DYNC2I1: variants seen among roughly 807,000 people sequenced by gnomAD.
DYNC2I1 encodes the protein dynein 2 intermediate chain 1, also known as cytoplasmic dynein 2 intermediate chain 1.
A neutral mutation model predicts 133.4 loss-of-function variants in DYNC2I1; 89 were observed. That is an observed-to-expected ratio of 0.67 (90% CI 0.56 to 0.80). DYNC2I1 has a LOEUF of 0.80. Among genes scored for constraint, DYNC2I1 ranks in the 30% least tolerant of loss-of-function variants. DYNC2I1 has a pLI of 0.00. For missense variants in DYNC2I1, 1,291 were observed against 1,314.5 expected, an observed-to-expected ratio of 0.98 and a Z score of 0.28; for synonymous variants, 504 against 484.3, an observed-to-expected ratio of 1.04 and a Z score of -0.54.
At chr7:158,884,390 A>G (rs1844389729) in intron 5 of DYNC2I1, among the ~76,000 whole-genome samples, 174 bp from the exon 6 acceptor site, 1 of 152,150 alleles carries the variant, frequency 6.6e-6, no homozygotes, top group African/African-American at 2.4e-5. Context: ...TTTACATTTA[A>G]TTATCTAATT....
intron 8 of DYNC2I1, among the ~76,000 whole-genome samples, chr7:158,894,540 T>C (rs970316342): frequency 1.3e-5 from 2 of 152,236 alleles, no homozygotes; most frequent in Non-Finnish European, 2.9e-5. Context: ...TCATTTCTTC[T>C]AGTGCTGAAT....
chr7:158,883,521 A>G (rs1285861464), intron 5 of DYNC2I1, among the ~76,000 whole-genome samples: 1 of 151,316 alleles, frequency 6.6e-6, no homozygotes, highest in Non-Finnish European at 1.5e-5. Context: ...CCTGGCCTCT[A>G]TATGATTTTT....
chr7:158,910,116 T>C (rs1186610547), intron 11 of DYNC2I1, among the ~76,000 whole-genome samples: 1 of 152,188 alleles, frequency 6.6e-6, no homozygotes, highest in Non-Finnish European at 1.5e-5. Flanking sequence ...TATATCCCAG[T>C]GAGGAGTAAC....
At chr7:158,905,184 G>C (rs894042480) in intron 10 of DYNC2I1, 2 of 374,242 alleles carry the variant, frequency 5.3e-6, no homozygotes, top group East Asian at 1.5e-4. Flanking sequence ...TATGTCTCCC[G>C]TGCTGGAGTA....
intron 10 of DYNC2I1, chr7:158,902,814 A>G (rs1846377862): frequency 1.8e-6 from 1 of 544,852 alleles, no homozygotes; most frequent in South Asian, 2.6e-5. Context: ...GAGAAGTTGC[A>G]CGTCACTTTC....
chr7:158,849,152 T>G, the DYNC2I1 span, among the ~76,000 whole-genome samples: 3 of 152,174 alleles, frequency 2.0e-5, no homozygotes, highest in Non-Finnish European at 4.4e-5. Context: ...CCCTTTTTAC[T>G]AGAAAAGGTA....
At chr7:158,869,824 AAACATTCT>A (rs2129477294) in intron 1 of DYNC2I1, 23 bp from the exon 2 acceptor site, 1 of 1,574,914 alleles carries the variant, frequency 6.3e-7, no homozygotes, top group Non-Finnish European at 8.7e-7. Context: ...AAATTATTTT[AAACATTCT>A]AACTTTATAC....
chr7:158,849,021 A>G, the DYNC2I1 span, among the ~76,000 whole-genome samples: 1 of 152,226 alleles, frequency 6.6e-6, no homozygotes. Flanking sequence ...AGATTGGAGA[A>G]ATTTTAAGAG....
intron 8 of DYNC2I1, among the ~76,000 whole-genome samples, chr7:158,895,789 C>G (rs573742886): frequency 6.6e-6 from 1 of 152,076 alleles, no homozygotes; most frequent in Admixed American, 6.5e-5. Context: ...TTATTTAGTT[C>G]TTTGTTTTTG....
At chr7:158,900,077 C>A (rs965021360) in intron 8 of DYNC2I1, among the ~76,000 whole-genome samples, 3 of 147,006 alleles carry the variant, frequency 2.0e-5, no homozygotes, top group African/African-American at 7.5e-5. Flanking sequence ...TCTATGCTGT[C>A]TTCTTGCTTG....
chr7:158,871,508 C>A lies in DYNC2I1; in HGVS notation c.436C>A (p.Gln146Lys), dbSNP rs1251160543. The change falls in exon 3 of 25, where the codon CAG becomes AAG. Residue 146 changes from glutamine (Q) to lysine (K), a missense_variant. Gln to Lys is a moderately conservative substitution (Grantham distance 53). Coordinates refer to ENST00000407559, the MANE Select transcript of DYNC2I1 (RefSeq NM_018051.5). Reference sequence around the variant, plus strand: ...CGTGGCCCACCACAACCTGCTGGGCCAGGAGACACGCGACCGGCAGCTCCT... The same window carrying A: ...CGTGGCCCACCACAACCTGCTGGGCAAGGAGACACGCGACCGGCAGCTCCT... ...QTVAHHNLLG[Q>K]ETRDRQLLER... The A allele has an allele frequency of 9.7e-6, 15 of 1,546,634 alleles. No homozygotes were observed. Among genetic ancestry groups the A allele is most frequent in the Non-Finnish European group, 1.2e-5 (14 of 1,146,834 alleles).
chr7:158,946,401 G>T (rs946254020), downstream of DYNC2I1, among the ~76,000 whole-genome samples: 2 of 152,234 alleles, frequency 1.3e-5, no homozygotes, highest in African/African-American at 4.8e-5. Flanking sequence ...CCCTGGGCTG[G>T]GTAGTTTATC....
Position 158,922,401 on chromosome 7 carries a change from C to G in DYNC2I1, c.1946C>G (p.Thr649Ser). 2.5e-6 allele frequency: 4 copies of G among 1,613,958 alleles called. No individual in the cohort carries two copies. The highest frequency in any genetic ancestry group is 1.7e-6 in the Non-Finnish European group (2 of 1,179,894). The change falls in exon 16 of 25, where the codon ACC becomes AGC. Residue 649 changes from threonine to serine, a missense_variant. Coordinates refer to ENST00000407559, the MANE Select transcript of DYNC2I1 (RefSeq NM_018051.5). ...LQNRKVSSLHTSRVQRQMVVS... is the reference protein window; with the variant it reads ...LQNRKVSSLHSSRVQRQMVVS... ...GATCGAAAAGTATCCTCCTTGCACA[C>G]CTCCCGAGTTCAGAGGCAGATGGTG...
At chr7:158,911,780 G>T in intron 12 of DYNC2I1, 101 bp downstream of exon 12, 1 of 1,400,104 alleles carries the variant, frequency 7.1e-7, no homozygotes, top group South Asian at 1.5e-5. Context: ...TAGAACTTGG[G>T]GATGGTCTGT....
At chr7:158,949,171 C>T (rs779204048), downstream of DYNC2I1, among the ~76,000 whole-genome samples, 8 of 152,182 alleles carry the variant, frequency 5.3e-5, no homozygotes, top group Non-Finnish European at 1.5e-5. Context: ...AGACTCAACA[C>T]CAGGAACACC....
chr7:158,954,640 T>A (rs962890473), intron 4 of DYNC2I1, among the ~76,000 whole-genome samples: 1 of 151,888 alleles, frequency 6.6e-6, no homozygotes, highest in South Asian at 2.1e-4. Context: ...AGAATGAGAC[T>A]CTCTCTCTAA....
In DYNC2I1 at chr7:158,941,945, C is replaced by T. The variant is rs1214073476; in HGVS notation, c.2799C>T (p.Ser933=). 6.2e-7 allele frequency: 1 copy of T among 1,608,912 alleles called. No homozygotes were observed. Among genetic ancestry groups the T allele is most frequent in the Non-Finnish European group, 8.5e-7 (1 of 1,177,616 alleles). ...CATAGGCCGGCTGTTCGGACGGAAGCATCAGGCTGCACCAGCTGAGCTCCG... is the reference window on the plus strand; with the variant it reads ...CATAGGCCGGCTGTTCGGACGGAAGTATCAGGCTGCACCAGCTGAGCTCCG... ...PIFLAGCSDG[S]IRLHQLSSAF... Residue 933 remains serine (S), a synonymous_variant, in exon 24 of 25, where the codon AGC becomes AGT. Transcript: ENST00000407559.
intron 1 of DYNC2I1, among the ~76,000 whole-genome samples, chr7:158,859,775 G>C (rs1477051022): frequency 6.6e-6 from 1 of 152,062 alleles, no homozygotes; most frequent in Non-Finnish European, 1.5e-5. Flanking sequence ...ATGAGCCACT[G>C]TGCCAGGCCA....
In DYNC2I1 at chr7:158,867,818, A is replaced by G. The variant is rs1842541397; in HGVS notation, c.16-2037A>G. On this transcript the variant is annotated intron_variant, in intron 1 of 24. Transcript: ENST00000407559. Reference sequence around the variant, plus strand: ...GGGTGCGCGGTGAGAGCAAGCGGGCACCACAGCCAGGTGGAAGCTCTGGAA... The same window carrying G: ...GGGTGCGCGGTGAGAGCAAGCGGGCGCCACAGCCAGGTGGAAGCTCTGGAA... 2.0e-5 allele frequency among the ~76,000 whole-genome samples: 3 copies of G among 151,996 alleles called. 1 individual carries two copies. The South Asian group carries it at 6.2e-4, about 32-fold the overall frequency.
Sources: gnomAD v4.1 joint callset for allele counts (sites outside exome capture counted in the v4.1 genomes callset) on GRCh38, gnomAD v4.1.1 for gene constraint, MANE v1.5 for transcripts, NCBI Gene and HGNC (gene_info 2026-07-23, HGNC 2026-07-21) for gene names.